Variants in NMNAT2 observed in about 807,000 individuals in gnomAD.
NMNAT2 encodes nicotinamide/nicotinic acid mononucleotide adenylyltransferase 2.
A neutral mutation model predicts 41.6 loss-of-function variants in NMNAT2; 11 were observed. The observed-to-expected ratio is 0.26, with a 90% CI of 0.17 to 0.44. The LOEUF (loss-of-function observed/expected upper bound fraction) is 0.44, where lower values mean the gene tolerates loss of function less well. Among genes scored for constraint, NMNAT2 ranks in the 20% least tolerant of loss-of-function variants. NMNAT2 has a pLI of 1.00. For missense variants in NMNAT2, 288 were observed against 407.7 expected, an observed-to-expected ratio of 0.71 and a Z score of 2.53; for synonymous variants, 148 against 151.2, an observed-to-expected ratio of 0.98 and a Z score of 0.16.
At chr1:183,315,713 C>T (rs973328547) in intron 1 of NMNAT2, among the ~76,000 whole-genome samples, 1 of 149,006 alleles carries the variant, frequency 6.7e-6, no homozygotes, top group Admixed American at 6.8e-5. Flanking sequence ...CCTGGGAGGC[C>T]GAGGTTGCAG....
At chr1:183,280,536 T>C (rs923235624) in intron 7 of NMNAT2, among the ~76,000 whole-genome samples, 13 of 151,574 alleles carry the variant, frequency 8.6e-5, no homozygotes, top group South Asian at 2.1e-4. Flanking sequence ...TACAGGTGCC[T>C]GCCACCACAC....
At chr1:183,257,077 G>A (rs752364845) in intron 10 of NMNAT2, among the ~76,000 whole-genome samples, 23 of 152,032 alleles carry the variant, frequency 1.5e-4, no homozygotes, top group Non-Finnish European at 3.1e-4. Context: ...TCTGGCTTAG[G>A]TATCAAAGGC....
intron 1 of NMNAT2, among the ~76,000 whole-genome samples, chr1:183,378,600 A>G (rs1663728486): frequency 6.6e-6 from 1 of 151,998 alleles, no homozygotes; most frequent in South Asian, 2.1e-4. Context: ...GAATCATGAA[A>G]AGTTTCAGTT....
chr1:183,331,685 C>T (rs967103177), intron 1 of NMNAT2, among the ~76,000 whole-genome samples: 1 of 152,254 alleles, frequency 6.6e-6, no homozygotes, highest in African/African-American at 2.4e-5. Context: ...GCTGCTGCTG[C>T]TGGTAATGCA....
intron 8 of NMNAT2, among the ~76,000 whole-genome samples, chr1:183,265,258 C>CTTTTTTTTTT (rs67117635): frequency 4.6e-5 from 3 of 64,526 alleles, no homozygotes; most frequent in African/African-American, 1.9e-4. Flanking sequence ...TCTTCTTCTT[C>CTTTTTTTTTT]TTTTTTTTTT....
At chr1:183,347,117 T>A (rs1207166349) in intron 1 of NMNAT2, among the ~76,000 whole-genome samples, 1 of 152,086 alleles carries the variant, frequency 6.6e-6, no homozygotes, top group African/African-American at 2.4e-5. Flanking sequence ...ATCACTACTA[T>A]AGAGAACAAA....
At chr1:183,306,385 C>T (rs1661994246) in intron 1 of NMNAT2, among the ~76,000 whole-genome samples, 1 of 152,136 alleles carries the variant, frequency 6.6e-6, no homozygotes, top group Admixed American at 6.5e-5. Context: ...GATTTTCAAA[C>T]TTCTATAAGA....
At position 183,250,983 on chromosome 1, in the gene NMNAT2, A is replaced by C. The variant is rs1248919398; in HGVS notation, c.*1658T>G. 6.6e-6 allele frequency: 1 copy of C among 152,266 alleles called. No individual in the cohort carries two copies. Among genetic ancestry groups the C allele is most frequent in the African/African-American group, 2.4e-5 (1 of 41,460 alleles). 9.4% of individuals were successfully genotyped at this position (152,266 alleles called of 1,614,324 possible). A position where few individuals can be genotyped will look rare whatever the true frequency, so the allele number is the denominator to read the frequency against. On this transcript the variant is annotated 3_prime_UTR_variant, in exon 11 of 11. Transcript: ENST00000287713. ...ACTCAGGGACTATTTCTCAAAGACC[A>C]GAATCCCAAGAGCCAGAGACTGGAT...
intron 1 of NMNAT2, among the ~76,000 whole-genome samples, chr1:183,393,110 C>T (rs1489268012): frequency 2.6e-5 from 4 of 152,190 alleles, no homozygotes; most frequent in Non-Finnish European, 1.5e-5. Context: ...TGATCCCTAG[C>T]TGCTCCAGGA....
At chr1:183,302,356 A>T (rs1377881519) in intron 1 of NMNAT2, among the ~76,000 whole-genome samples, 1 of 152,182 alleles carries the variant, frequency 6.6e-6, no homozygotes, top group Non-Finnish European at 1.5e-5. Context: ...TCAGGGAGGG[A>T]GTCATCCCAC....
chr1:183,341,740 A>AT (rs1662817935), intron 1 of NMNAT2, among the ~76,000 whole-genome samples: 1 of 139,104 alleles, frequency 7.2e-6, no homozygotes, highest in African/African-American at 2.8e-5. Context: ...AAAAAAAAAA[A>AT]AAAAAAACCT....
intron 1 of NMNAT2, among the ~76,000 whole-genome samples, chr1:183,386,244 T>G (rs553194911): frequency 1.3e-5 from 2 of 152,250 alleles, no homozygotes; most frequent in African/African-American, 4.8e-5. Flanking sequence ...AAGATACCTT[T>G]GAGAGATTTA....
intron 1 of NMNAT2, among the ~76,000 whole-genome samples, chr1:183,341,514 C>CA (rs1445734598): frequency 5.7e-5 from 2 of 35,328 alleles, no homozygotes; most frequent in African/African-American, 2.4e-4. Context: ...CCTGTCTCTA[C>CA]AAAAAATGCA....
chr1:183,311,891 A>G (rs1244953264), intron 1 of NMNAT2, among the ~76,000 whole-genome samples: 4 of 151,946 alleles, frequency 2.6e-5, no homozygotes, highest in African/African-American at 9.7e-5. Flanking sequence ...TCATGGGGGC[A>G]GGTCTTTCCC....
chr1:183,272,532 T>A (rs946596452), intron 8 of NMNAT2, among the ~76,000 whole-genome samples: 1 of 152,174 alleles, frequency 6.6e-6, no homozygotes, highest in African/African-American at 2.4e-5. Flanking sequence ...GGCTAATGGA[T>A]CTTTGTGCCT....
chr1:183,307,984 G>A (rs1236393247), intron 1 of NMNAT2, among the ~76,000 whole-genome samples: 1 of 152,212 alleles, frequency 6.6e-6, no homozygotes, highest in Non-Finnish European at 1.5e-5. Context: ...GCTGAGGTGT[G>A]TTTGGATGAT....
chr1:183,384,199 C>CTTTTTTTTTTTTTTTTTTT (rs1663861575), intron 1 of NMNAT2, among the ~76,000 whole-genome samples: 1 of 151,536 alleles, frequency 6.6e-6, no homozygotes, highest in African/African-American at 2.4e-5. Context: ...GCGCTACACA[C>CTTTTTTTTTTTTTTTTTTT]TTTTATGTTT....
chr1:183,256,227 G>A (rs1010740250), intron 10 of NMNAT2, among the ~76,000 whole-genome samples: 3 of 151,844 alleles, frequency 2.0e-5, no homozygotes, highest in Non-Finnish European at 2.9e-5. Context: ...CCAACATAGC[G>A]AAACCCTGTC....
At chr1:183,340,920 T>G (rs1662784820) in intron 1 of NMNAT2, among the ~76,000 whole-genome samples, 1 of 152,206 alleles carries the variant, frequency 6.6e-6, no homozygotes, top group Non-Finnish European at 1.5e-5. Flanking sequence ...GCTTTACATG[T>G]GGGAAGGCTG....
Sources: allele counts gnomAD v4.1 joint callset (sites outside exome capture counted in the v4.1 genomes callset), GRCh38; gene constraint gnomAD v4.1.1; transcripts MANE v1.5; gene names NCBI Gene and HGNC (gene_info 2026-07-23, HGNC 2026-07-21).